PTPRN2: variants seen among roughly 807,000 people sequenced by gnomAD.
The protein encoded by PTPRN2 is protein tyrosine phosphatase receptor type N2, also known as receptor-type tyrosine-protein phosphatase N2.
PTPRN2 carries 74 observed loss-of-function variants against 118.8 expected under a neutral mutation model. The ratio of observed to expected loss-of-function variants is 0.62; its 90% CI spans 0.52 to 0.76. The LOEUF (loss-of-function observed/expected upper bound fraction) is 0.76, where lower values mean the gene tolerates loss of function less well. PTPRN2 is among the 30% of genes least tolerant of loss of function. The pLI is 0.00. For synonymous variants in PTPRN2, 641 were observed against 608.0 expected (o/e 1.05, Z -0.80); for missense variants, 1,481 against 1,394.4 (o/e 1.06, Z -0.99).
At position 158,448,457 on chromosome 7, in the gene PTPRN2, G is replaced by A. The variant is rs76035105; in HGVS notation, c.163+41278C>T. On this transcript the variant is annotated intron_variant, in intron 2 of 22. Transcript: ENST00000389418. ...AGGCCAGAGGCAAACAGAAGTCTCC[G>A]CAGACCCAGGTCTGGGCAGCGCTGC... 2.9e-3 allele frequency among the ~76,000 whole-genome samples: 435 copies of A among 149,002 alleles called. 7 individuals carry two copies. The East Asian group carries it at 0.076, about 26-fold the overall frequency.
At chr7:158,008,876 T>C (rs946295590) in intron 11 of PTPRN2, among the ~76,000 whole-genome samples, 22 of 152,252 alleles carry the variant, frequency 1.4e-4, no homozygotes, top group African/African-American at 5.1e-4. Context: ...TGCTACTAAA[T>C]GTGGTGAGTA....
At chr7:157,612,230 C>T (rs1010803988) in intron 15 of PTPRN2, among the ~76,000 whole-genome samples, 1 of 152,186 alleles carries the variant, frequency 6.6e-6, no homozygotes, top group Admixed American at 6.5e-5. Flanking sequence ...CACAGCGAGG[C>T]GTGGCTGTGT....
At position 157,938,557 on chromosome 7, in the gene PTPRN2, CACA is replaced by C. The variant is rs371238604; in HGVS notation, c.1724-39823_1724-39821del. 1.3e-3 allele frequency among the ~76,000 whole-genome samples: 196 copies of C among 152,342 alleles called. 3 individuals are homozygous for C. Among genetic ancestry groups the C allele is most frequent in the African/African-American group, 4.4e-3 (182 of 41,574 alleles). ...GAGGCTGCCTGTCTGCTCAGGGTCA[CACA>C]ACAACACCCAAAGGCAAGATGTGAA... is the stretch of plus-strand genomic sequence containing the variant. On this transcript the variant is annotated intron_variant, in intron 11 of 22. Coordinates refer to ENST00000389418, the MANE Select transcript of PTPRN2 (RefSeq NM_002847.5).
intron 2 of PTPRN2, among the ~76,000 whole-genome samples, chr7:158,336,694 G>A (rs1272935127): frequency 8.9e-5 from 10 of 112,846 alleles, no homozygotes; most frequent in African/African-American, 3.0e-4. Flanking sequence ...GACGCCCGCA[G>A]ACGTCACTCA....
intron 2 of PTPRN2, among the ~76,000 whole-genome samples, chr7:158,460,647 A>G (rs1818918131): frequency 6.6e-6 from 1 of 152,240 alleles, no homozygotes. Context: ...AGCTGTCCGG[A>G]AATGAAAACT....
intron 9 of PTPRN2, among the ~76,000 whole-genome samples, chr7:158,116,924 A>G (rs1433774074): frequency 1.3e-5 from 2 of 152,198 alleles, no homozygotes; most frequent in Admixed American, 6.5e-5. Flanking sequence ...AAAAATTTAA[A>G]AGAAAGATAA....
intron 2 of PTPRN2, among the ~76,000 whole-genome samples, chr7:158,449,472 G>A (rs1160120624): frequency 1.3e-5 from 2 of 152,178 alleles, no homozygotes; most frequent in East Asian, 1.9e-4. Flanking sequence ...GACACACAGC[G>A]CAGTCTGAGT....
intron 5 of PTPRN2, among the ~76,000 whole-genome samples, chr7:158,171,273 A>T (rs1222093039): frequency 1.3e-5 from 1 of 79,842 alleles, no homozygotes; most frequent in African/African-American, 5.4e-5. Flanking sequence ...ACACACATAT[A>T]TACACACATA....
At chr7:157,942,319 T>C (rs1800198481) in intron 11 of PTPRN2, among the ~76,000 whole-genome samples, 12 of 152,040 alleles carry the variant, frequency 7.9e-5, no homozygotes, top group Admixed American at 7.9e-4. Flanking sequence ...GAGCCCACGG[T>C]GGGGTCCTCA....
At chr7:158,578,282 C>CT (rs35928034) in intron 1 of PTPRN2, among the ~76,000 whole-genome samples, 42,597 of 143,322 alleles carry the variant, frequency 0.3, 6,637 homozygotes, top group East Asian at 0.42. Flanking sequence ...TTTAAGTCAC[C>CT]TTTTTTTTTT....
rs893887035 is a variant in PTPRN2, at chr7:157,929,223, C to CCT, written c.1724-30488_1724-30487dup. On this transcript the variant is annotated intron_variant, in intron 11 of 22. Transcript: ENST00000389418. The surrounding 1 kb of genome is among the most constrained non-coding windows in gnomAD (Gnocchi z 4.4). The stretch of plus-strand genomic sequence containing the variant: ...GGCAGGGTCGTCCCTGGCATGACCC[C>CCT]CTCCCCATAACCCACAGCCCCTCTT... Among the ~76,000 whole-genome samples, 19 of 152,152 alleles carry CCT rather than the reference C, an allele frequency of 1.2e-4. No individual in the cohort carries two copies. The highest frequency in any genetic ancestry group is 5.9e-4 in the Admixed American group (9 of 15,278).
At chr7:158,516,603 T>C (rs1823580871) in intron 1 of PTPRN2, among the ~76,000 whole-genome samples, 1 of 152,036 alleles carries the variant, frequency 6.6e-6, no homozygotes, top group African/African-American at 2.4e-5. Flanking sequence ...CGTGCTGTTC[T>C]TGGTGCTCCT....
chr7:158,500,099 A>T (rs1357570249), intron 1 of PTPRN2, among the ~76,000 whole-genome samples: 1 of 151,772 alleles, frequency 6.6e-6, no homozygotes, highest in Non-Finnish European at 1.5e-5. Context: ...AGGAAAGAAT[A>T]TTGCCTTCTG....
At chr7:157,735,446 C>T (rs916037552) in intron 12 of PTPRN2, among the ~76,000 whole-genome samples, 12 of 152,152 alleles carry the variant, frequency 7.9e-5, no homozygotes, top group Non-Finnish European at 1.8e-4. Context: ...ATCTTATCTG[C>T]GTCCACACTC....
intron 15 of PTPRN2, 83 bp downstream of exon 15, chr7:157,621,276 GCCC>G (rs1803205774): frequency 7.2e-5 from 106 of 1,473,670 alleles, no homozygotes; most frequent in Admixed American, 2.1e-4. Context: ...CTGGCCTCCT[GCCC>G]TCGGGCCTGG....
intron 13 of PTPRN2, among the ~76,000 whole-genome samples, chr7:157,672,924 A>T (rs1247263121): frequency 3.3e-5 from 5 of 152,246 alleles, no homozygotes; most frequent in Non-Finnish European, 7.3e-5. Context: ...ACACTAGCAC[A>T]GACCCAGACA....
chr7:158,577,623 C>A (rs1482973970), intron 1 of PTPRN2, among the ~76,000 whole-genome samples: 2 of 152,268 alleles, frequency 1.3e-5, no homozygotes, highest in African/African-American at 4.8e-5. Flanking sequence ...AAAGCCCAAA[C>A]AGCAAAGTGA....
In PTPRN2 at chr7:157,898,793, G is replaced by A. The variant is rs373669143; in HGVS notation, c.1724-56C>T. On this transcript the variant is annotated intron_variant, in intron 11 of 22. Coordinates refer to ENST00000389418, the MANE Select transcript of PTPRN2 (RefSeq NM_002847.5). ...CAGGTTGGAGAGGTCCTCAGTCTCC[G>A]GGCACCTCTGAGTATTTTCCTCCAT... is the stretch of plus-strand genomic sequence containing the variant. 3,015 of 1,433,134 alleles carry A rather than the reference G, an allele frequency of 2.1e-3. 8 individuals carry two copies. Among genetic ancestry groups the A allele is most frequent in the Non-Finnish European group, 2.8e-3 (2,819 of 1,015,386 alleles). 88.8% of individuals were successfully genotyped at this position (1,433,134 alleles called of 1,614,324 possible).
chr7:157,822,536 TATCC>T (rs1336828503), intron 12 of PTPRN2, among the ~76,000 whole-genome samples: 6 of 151,648 alleles, frequency 4.0e-5, no homozygotes, highest in Non-Finnish European at 7.4e-5. Context: ...ATAATACACT[TATCC>T]ATCCATCCAA....
Sources: gnomAD v4.1 joint callset for allele counts (sites outside exome capture counted in the v4.1 genomes callset) on GRCh38, gnomAD v4.1.1 for gene constraint, Gnocchi (gnomAD v3.1) non-coding constraint, MANE v1.5 for transcripts, NCBI Gene and HGNC (gene_info 2026-07-23, HGNC 2026-07-21) for gene names.